Variants in UBE2Q2 observed in about 807,000 individuals in gnomAD.
UBE2Q2 encodes the protein ubiquitin conjugating enzyme E2 Q2.
In UBE2Q2, 54 loss-of-function variants were observed where a neutral mutation model predicts 59.9. The observed-to-expected ratio is 0.90, with a 90% CI of 0.72 to 1.13. The LOEUF is 1.13. Ranked by LOEUF, UBE2Q2 falls within the 50% of genes most tolerant of loss-of-function variation. The pLI is 0.00. For synonymous variants in UBE2Q2, 165 were observed against 155.2 expected (o/e 1.06, Z -0.47); for missense variants, 433 against 441.9 (o/e 0.98, Z 0.18).
At position 75,873,571 on chromosome 15, in the gene UBE2Q2, A is replaced by G. The variant is rs1350255088; in HGVS notation, c.588+3A>G. ...CTCAAAGGCAAGACCATTTAAATGT[A>G]AGTGTGTGTAGATATCTAGAACCTG... On this transcript the variant is annotated splice_donor_region_variant and intron_variant, in intron 5 of 12. Coordinates refer to ENST00000267938, the MANE Select transcript of UBE2Q2 (RefSeq NM_173469.4). 6.2e-7 allele frequency: 1 copy of G among 1,610,788 alleles called. No individual in the cohort carries two copies. Among genetic ancestry groups the G allele is most frequent in the Non-Finnish European group, 8.5e-7 (1 of 1,178,818 alleles).
intron 12 of UBE2Q2, among the ~76,000 whole-genome samples, chr15:75,897,446 C>T (rs939318086): frequency 2.0e-5 from 3 of 151,944 alleles, no homozygotes; most frequent in Non-Finnish European, 2.9e-5. Context: ...GTCTCGATCT[C>T]CTGACTTTGT....
chr15:75,877,159 C>A (rs76562945), intron 6 of UBE2Q2, among the ~76,000 whole-genome samples: 71 of 67,682 alleles, frequency 1.0e-3, no homozygotes, highest in South Asian at 4.3e-3. Context: ...GAGACTCTGT[C>A]AAAAAAAAAA....
At chr15:75,871,236 GC>G (rs1897768750) in intron 4 of UBE2Q2, among the ~76,000 whole-genome samples, 1 of 152,242 alleles carries the variant, frequency 6.6e-6, no homozygotes, top group Admixed American at 6.5e-5. Flanking sequence ...CCCACCTCCA[GC>G]CCTAAGGCGG....
In UBE2Q2 at chr15:75,876,201, GTCAGTGCAAGCT is replaced by G. The variant is rs1898070719; in HGVS notation, c.608_619del (p.Val203_Ser206del). ...TTGTGTTTCAGGGTGCAGTGTCTGG[GTCAGTGCAAGCT>G]TCAGATAGACTTATGAAAGAGCTCA... is the stretch of plus-strand genomic sequence containing the variant. On this transcript the variant is annotated inframe_deletion, in exon 6 of 13. Coordinates refer to ENST00000267938, the MANE Select transcript of UBE2Q2 (RefSeq NM_173469.4). The G allele has an allele frequency of 6.2e-7, 1 of 1,613,880 alleles. No homozygotes were observed. Among genetic ancestry groups the G allele is most frequent in the Non-Finnish European group, 8.5e-7 (1 of 1,179,968 alleles).
intron 3 of UBE2Q2, among the ~76,000 whole-genome samples, chr15:75,860,604 G>T (rs530019029): frequency 6.6e-6 from 1 of 152,062 alleles, no homozygotes; most frequent in East Asian, 1.9e-4. Flanking sequence ...GAATATTTAA[G>T]ATAGGATATT....
intron 4 of UBE2Q2, among the ~76,000 whole-genome samples, chr15:75,872,533 C>CTTTTTT (rs374099581): frequency 2.6e-5 from 3 of 114,794 alleles, no homozygotes; most frequent in African/African-American, 6.6e-5. Context: ...TTTTCTTTTC[C>CTTTTTT]TTTTTTTTTT....
chr15:75,848,122 T>G lies in UBE2Q2; in HGVS notation c.180+4276T>G, dbSNP rs1301879787. Among the ~76,000 whole-genome samples the G allele has an allele frequency of 7.2e-5, 11 of 152,134 alleles. 1 individual carries two copies. Among genetic ancestry groups the G allele is most frequent in the Admixed American group, 7.2e-4 (11 of 15,270 alleles). ...TGTTTCTGTGTACTATAGATAATATTTTTTTGCACTGCAAGAGAGCATATA... is the reference window on the plus strand; with the variant it reads ...TGTTTCTGTGTACTATAGATAATATGTTTTTGCACTGCAAGAGAGCATATA... On this transcript the variant is annotated intron_variant, in intron 1 of 12. Transcript: ENST00000267938.
chr15:75,844,097 G>A, intron 1 of UBE2Q2: 1 of 1,414,414 alleles, frequency 7.1e-7, no homozygotes, highest in African/African-American at 1.5e-5. Context: ...GGCCCATCTC[G>A]GTCCCCGTCT....
chr15:75,896,955 T>C, intron 11 of UBE2Q2, 40 bp from the exon 12 acceptor site: 1 of 1,306,994 alleles, frequency 7.7e-7, no homozygotes, highest in Non-Finnish European at 1.1e-6. Context: ...AATTTTCACC[T>C]AATTACACTT....
intron 1 of UBE2Q2, among the ~76,000 whole-genome samples, chr15:75,846,053 A>G (rs952220385): frequency 6.6e-6 from 1 of 152,202 alleles, no homozygotes; most frequent in Non-Finnish European, 1.5e-5. Context: ...CTAACTTTTT[A>G]TTATGGAAAA....
intron 4 of UBE2Q2, among the ~76,000 whole-genome samples, chr15:75,873,140 G>A (rs899132211): frequency 6.6e-6 from 1 of 152,122 alleles, no homozygotes; most frequent in African/African-American, 2.4e-5. Flanking sequence ...TGTTTTAAAG[G>A]TTCCTCTTAA....
chr15:75,875,447 C>T (rs1898024685), intron 5 of UBE2Q2, among the ~76,000 whole-genome samples: 1 of 152,200 alleles, frequency 6.6e-6, no homozygotes, highest in South Asian at 2.1e-4. Flanking sequence ...AAACCAGTCG[C>T]ATGTAGGCAG....
rs189136723 is a variant in UBE2Q2 at position 75,898,812 on chromosome 15, T to C, written c.1097-615T>C. Among the ~76,000 whole-genome samples, 5 of 151,988 alleles carry C rather than the reference T, an allele frequency of 3.3e-5. No individual in the cohort carries two copies. The East Asian group carries it at 7.7e-4, about 23-fold the overall frequency. On this transcript the variant is annotated intron_variant, in intron 12 of 12. Transcript: ENST00000267938. Reference sequence around the variant, plus strand: ...TAGAACTGAAGTGGAATAAAACTTATTCTTTTAGTCTAATATTCCACAGTC... The same window carrying C: ...TAGAACTGAAGTGGAATAAAACTTACTCTTTTAGTCTAATATTCCACAGTC...
chr15:75,874,701 C>T (rs1897979601), intron 5 of UBE2Q2, among the ~76,000 whole-genome samples: 1 of 152,154 alleles, frequency 6.6e-6, no homozygotes, highest in Non-Finnish European at 1.5e-5. Context: ...CTAGACAGTA[C>T]ATACCTTTTG....
chr15:75,843,872 G>T, intron 1 of UBE2Q2, 26 bp downstream of exon 1: 3 of 1,535,132 alleles, frequency 2.0e-6, no homozygotes, highest in Non-Finnish European at 2.6e-6. Flanking sequence ...GCGGCCCCGC[G>T]GGGCAGGGCG....
At position 75,899,618 on chromosome 15, in the gene UBE2Q2, C is replaced by T; in HGVS notation, c.*160C>T. On this transcript the variant is annotated 3_prime_UTR_variant, in exon 13 of 13. Coordinates refer to ENST00000267938, the MANE Select transcript of UBE2Q2 (RefSeq NM_173469.4). ...GTCATCTGACATCCAGTATAAGTTA[C>T]AGCCTTTGCATTTTGCTCATTTTAG... 1 of 550,870 alleles carries T rather than the reference C, an allele frequency of 1.8e-6. No individual in the cohort carries two copies. The highest frequency in any genetic ancestry group is 3.0e-6 in the Non-Finnish European group (1 of 330,254). The allele number at this position is 550,870 out of a possible 1,614,324, so 34.1% of individuals were successfully genotyped here.
At chr15:75,886,741 G>T (rs1898797596) in intron 9 of UBE2Q2, among the ~76,000 whole-genome samples, 1 of 152,050 alleles carries the variant, frequency 6.6e-6, no homozygotes, top group African/African-American at 2.4e-5. Context: ...ACAAAAATTA[G>T]CTGGGCGTGG....
At chr15:75,880,619 G>GC (rs1316209449) in intron 8 of UBE2Q2, among the ~76,000 whole-genome samples, 1 of 151,950 alleles carries the variant, frequency 6.6e-6, no homozygotes, top group African/African-American at 2.4e-5. Context: ...CTCTGCCCCA[G>GC]CCCCCCGAGT....
rs557927815 is a variant in UBE2Q2, at chr15:75,873,390, A to AC, written c.448-38_448-37insC. ...TGGCATAAGAAACTGCTGAAGAAAA[A>AC]TAGGTTGAATAAGCTAACATTTTTC... is the stretch of plus-strand genomic sequence containing the variant. On this transcript the variant is annotated intron_variant, in intron 4 of 12. Coordinates refer to ENST00000267938, the MANE Select transcript of UBE2Q2 (RefSeq NM_173469.4). 2,605 of 1,552,134 alleles carry AC rather than the reference A, an allele frequency of 1.7e-3. 4 individuals are homozygous for AC. Among genetic ancestry groups the AC allele is most frequent in the Admixed American group, 3.6e-3 (167 of 45,900 alleles).
Sources: gnomAD v4.1 joint callset for allele counts (sites outside exome capture counted in the v4.1 genomes callset) on GRCh38, gnomAD v4.1.1 for gene constraint, MANE v1.5 for transcripts, NCBI Gene and HGNC (gene_info 2026-07-23, HGNC 2026-07-21) for gene names.